DNAH6: variants seen among roughly 807,000 people sequenced by gnomAD.
The protein encoded by DNAH6 is axonemal beta dynein heavy chain 6.
In DNAH6, 340 loss-of-function variants were observed where a neutral mutation model predicts 491.4. The ratio of observed to expected loss-of-function variants is 0.69; its 90% CI spans 0.63 to 0.76. DNAH6 has a LOEUF of 0.76. DNAH6 is among the 30% of genes least tolerant of loss of function. The pLI, the probability that DNAH6 is intolerant of heterozygous loss-of-function variation, is 0.00. For missense variants in DNAH6, 4,443 were observed against 4,972.2 expected (o/e 0.89, Z 3.20); for synonymous variants, 1,603 against 1,686.1 (o/e 0.95, Z 1.21).
chr2:84,588,743 A>C, intron 15 of DNAH6, 83 bp from the exon 16 acceptor site: 1 of 1,199,052 alleles, frequency 8.3e-7, no homozygotes, highest in South Asian at 2.0e-5. Flanking sequence ...AATCTTTTTA[A>C]AAATGTTTAT....
intron 15 of DNAH6, among the ~76,000 whole-genome samples, chr2:84,588,218 GCTGA>G (rs1411657074): frequency 6.6e-6 from 1 of 152,160 alleles, no homozygotes; most frequent in Non-Finnish European, 1.5e-5. Flanking sequence ...GCATGGCCAT[GCTGA>G]CTAAGACTTG....
rs376494307 is a variant in DNAH6, at chr2:84,753,534, G to A, written c.10512+8285G>A. ...GCACTTTGGGAGGCCAAGGCAGGCA[G>A]ATCACCTGAGGTCGGGAGTTCGAGA... On this transcript the variant is annotated intron_variant, in intron 63 of 76. Transcript: ENST00000389394. Among the ~76,000 whole-genome samples the A allele has an allele frequency of 5.1e-4, 77 of 152,078 alleles. 2 individuals are homozygous for A. In the South Asian group the frequency reaches 0.016, roughly 31 times the overall value.
chr2:84,582,088 A>G (rs1683088003), intron 14 of DNAH6, among the ~76,000 whole-genome samples: 1 of 152,216 alleles, frequency 6.6e-6, no homozygotes, highest in Non-Finnish European at 1.5e-5. Context: ...TGATGTAGAG[A>G]GACTTAATTC....
intron 33 of DNAH6, among the ~76,000 whole-genome samples, chr2:84,645,246 C>A (rs1021691797): frequency 2.0e-5 from 3 of 151,944 alleles, no homozygotes; most frequent in African/African-American, 7.3e-5. Flanking sequence ...ATGGTGAAAC[C>A]CTGTCTGTAC....
chr2:84,491,966 G>A, the DNAH6 span, among the ~76,000 whole-genome samples: 2 of 152,108 alleles, frequency 1.3e-5, no homozygotes, highest in Non-Finnish European at 2.9e-5. Flanking sequence ...CCGTTGCGCC[G>A]GTCAGATTCC....
intron 60 of DNAH6, among the ~76,000 whole-genome samples, chr2:84,724,756 C>T (rs1408516402): frequency 6.6e-6 from 1 of 152,154 alleles, no homozygotes; most frequent in Non-Finnish European, 1.5e-5. Flanking sequence ...CACTACAGGG[C>T]AACTGGGTTC....
chr2:84,683,399 C>T (rs1162968052), intron 42 of DNAH6, among the ~76,000 whole-genome samples: 1 of 144,252 alleles, frequency 6.9e-6, no homozygotes, highest in South Asian at 2.2e-4. Context: ...GCCCTTTGTT[C>T]TACACCACTC....
At chr2:84,646,687 A>G (rs944556466) in intron 33 of DNAH6, among the ~76,000 whole-genome samples, 6 of 152,194 alleles carry the variant, frequency 3.9e-5, no homozygotes, top group African/African-American at 1.4e-4. Context: ...AATCCAGATC[A>G]AGGCTCTGAC....
chr2:84,686,884 T>C (rs1480647063), intron 44 of DNAH6, among the ~76,000 whole-genome samples: 2 of 152,212 alleles, frequency 1.3e-5, no homozygotes, highest in Non-Finnish European at 2.9e-5. Context: ...CAGAAAAAGT[T>C]TGCTGACTCC....
At chr2:84,719,815 T>C (rs1697914787) in intron 59 of DNAH6, among the ~76,000 whole-genome samples, 1 of 151,984 alleles carries the variant, frequency 6.6e-6, no homozygotes, top group South Asian at 2.1e-4. Flanking sequence ...TGAACCACTG[T>C]GCCGGCCAAG....
intron 64 of DNAH6, among the ~76,000 whole-genome samples, chr2:84,773,302 G>T (rs985940677): frequency 6.6e-6 from 1 of 152,020 alleles, no homozygotes; most frequent in Admixed American, 6.6e-5. Flanking sequence ...CCTTATAAAT[G>T]AGAACATGGA....
intron 33 of DNAH6, among the ~76,000 whole-genome samples, chr2:84,648,830 G>C (rs1310918367): frequency 6.6e-6 from 1 of 152,230 alleles, no homozygotes; most frequent in Non-Finnish European, 1.5e-5. Flanking sequence ...TAAAGCAATG[G>C]AAGAGTTTGA....
chr2:84,791,991 C>T (rs973064420), intron 68 of DNAH6, among the ~76,000 whole-genome samples: 1 of 152,062 alleles, frequency 6.6e-6, no homozygotes, highest in Non-Finnish European at 1.5e-5. Flanking sequence ...TGTCCATCAA[C>T]ATATAAATGG....
intron 70 of DNAH6, among the ~76,000 whole-genome samples, chr2:84,803,397 C>T (rs1679107367): frequency 6.6e-6 from 1 of 152,132 alleles, no homozygotes; most frequent in South Asian, 2.1e-4. Flanking sequence ...CAAACCTCAG[C>T]ACCATGCAAT....
intron 71 of DNAH6, among the ~76,000 whole-genome samples, chr2:84,807,393 C>T (rs1679520068): frequency 1.3e-5 from 2 of 152,240 alleles, no homozygotes; most frequent in African/African-American, 4.8e-5. Flanking sequence ...TATCGTTCTT[C>T]ATCTGAGCCT....
At chr2:84,478,575 T>C in the DNAH6 span, among the ~76,000 whole-genome samples, 2 of 152,244 alleles carry the variant, frequency 1.3e-5, no homozygotes, top group East Asian at 1.9e-4. Context: ...ATTCCAAATA[T>C]AGTTTTCTTT....
At position 84,670,467 on chromosome 2, in the gene DNAH6, A is replaced by C; in HGVS notation, c.6446A>C (p.Asn2149Thr). The change falls in exon 39 of 77, where the codon AAT becomes ACT. Residue 2149 changes from asparagine (N) to threonine (T), a missense_variant. Physicochemically the swap from Asn to Thr is moderately conservative, Grantham distance 65 (BLOSUM62 0). This residue lies in a region of DNAH6 where 2,977 missense variants were observed against 3,296.6 expected (regional missense o/e 0.90). Coordinates refer to ENST00000389394, the MANE Select transcript of DNAH6 (RefSeq NM_001370.2). ...IESKLERKRK[N>T]ILGAPGNKRI... ...TCAAAACTGGAGAGAAAAAGAAAAA[A>C]TATTCTAGGTAAGAATCATTATTTT... The C allele has an allele frequency of 6.5e-7, 1 of 1,527,914 alleles. No individual in the cohort carries two copies. The highest frequency in any genetic ancestry group is 8.8e-7 in the Non-Finnish European group (1 of 1,136,008). 94.6% of individuals were successfully genotyped at this position (1,527,914 alleles called of 1,614,324 possible). A position where few individuals can be genotyped will look rare whatever the true frequency, so the allele number is the denominator to read the frequency against.
chr2:84,626,038 T>G (rs1299380575), intron 29 of DNAH6, among the ~76,000 whole-genome samples: 1 of 152,148 alleles, frequency 6.6e-6, no homozygotes, highest in African/African-American at 2.4e-5. Context: ...TATACTCTCA[T>G]GAGAGAGTGA....
At chr2:84,642,902 G>T (rs755681314) in intron 33 of DNAH6, among the ~76,000 whole-genome samples, 1 of 152,026 alleles carries the variant, frequency 6.6e-6, no homozygotes, top group Admixed American at 6.6e-5. Context: ...ACTGTTGTCT[G>T]TTAGATCAAT....
Sources: gnomAD v4.1 joint callset for allele counts (sites outside exome capture counted in the v4.1 genomes callset) on GRCh38, gnomAD v4.1.1 for gene constraint, gnomAD v4.1.1 regional missense constraint, MANE v1.5 for transcripts, NCBI Gene and HGNC (gene_info 2026-07-23, HGNC 2026-07-21) for gene names.